Variants in DPP8 observed in about 807,000 individuals in gnomAD.
DPP8 encodes the protein dipeptidyl peptidase 8, also known as DPP VIII.
DPP8 carries 31 observed loss-of-function variants against 107.5 expected under a neutral mutation model. The ratio of observed to expected loss-of-function variants is 0.29; its 90% CI spans 0.22 to 0.39. The LOEUF (loss-of-function observed/expected upper bound fraction) is 0.39, where lower values mean the gene tolerates loss of function less well. Among genes scored for constraint, DPP8 ranks in the 10% least tolerant of loss-of-function variants. The pLI is 1.00. For synonymous variants in DPP8, 381 were observed against 356.6 expected (o/e 1.07, Z -0.77); for missense variants, 842 against 1,076.1 (o/e 0.78, Z 3.04).
In DPP8 at chr15:65,446,784, G is replaced by T. The variant is rs1595821274; in HGVS notation, c.*100C>A. On this transcript the variant is annotated 3_prime_UTR_variant, in exon 20 of 20. Coordinates refer to ENST00000300141, the MANE Select transcript of DPP8 (RefSeq NM_130434.5). ...TTCAGGAGTAGATGTTACATGGCAG[G>T]TATCAAAATGTGATGATCAATTCTG... 3 of 1,219,040 alleles carry T rather than the reference G, an allele frequency of 2.5e-6. No homozygotes were observed. The highest frequency in any genetic ancestry group is 1.6e-5 in the African/African-American group (1 of 64,360). 75.5% of individuals were successfully genotyped at this position (1,219,040 alleles called of 1,614,324 possible).
At chr15:65,447,952 G>T (rs966878488) in intron 19 of DPP8, among the ~76,000 whole-genome samples, 2 of 152,138 alleles carry the variant, frequency 1.3e-5, no homozygotes, top group African/African-American at 4.8e-5. Context: ...GTCAATATTT[G>T]AAAGACTGGC....
intron 1 of DPP8, 175 bp from the exon 2 acceptor site, chr15:65,512,739 C>G: frequency 1.6e-6 from 1 of 633,794 alleles, no homozygotes; most frequent in South Asian, 2.1e-5. Context: ...TCTCTGTGTT[C>G]AGTTTAAAAA....
At chr15:65,458,558 G>A (rs1451837385) in intron 15 of DPP8, 1 of 152,104 alleles carries the variant, frequency 6.6e-6, no homozygotes, top group East Asian at 1.9e-4. Flanking sequence ...ACCTTACCCA[G>A]CCTTGTTAAA....
chr15:65,449,956 T>TTTA (rs569238221), intron 19 of DPP8, among the ~76,000 whole-genome samples: 115 of 116,302 alleles, frequency 9.9e-4, no homozygotes, highest in South Asian at 3.1e-3. Flanking sequence ...CATGTAATAG[T>TTTA]TTATTATTAT....
chr15:65,463,125 A>G (rs2065055354), intron 15 of DPP8, among the ~76,000 whole-genome samples: 1 of 152,220 alleles, frequency 6.6e-6, no homozygotes, highest in Admixed American at 6.5e-5. Context: ...ATTTACCAAG[A>G]CATTTAATTA....
chr15:65,504,667 C>CA (rs371246881), intron 3 of DPP8, among the ~76,000 whole-genome samples: 94,555 of 108,780 alleles, frequency 0.87, 41,574 homozygotes, highest in East Asian at 0.94. Flanking sequence ...GATTCCGTCT[C>CA]AAAAAAAAAA....
At chr15:65,498,417 G>C (rs563999894) in intron 4 of DPP8, among the ~76,000 whole-genome samples, 25 of 149,894 alleles carry the variant, frequency 1.7e-4, no homozygotes, top group South Asian at 6.4e-4. Context: ...GTGAGACTCA[G>C]TATCAGGAAA....
chr15:65,443,839 T>G lies in DPP8; in HGVS notation c.*3045A>C, dbSNP rs1369584733. ...TTTCTTAAAGTAGTCCACAGATGAC[T>G]TACTATAGGATCGCCTGGAAAGCTT... On this transcript the variant is annotated 3_prime_UTR_variant, in exon 20 of 20. Transcript: ENST00000300141. 6.6e-6 allele frequency: 1 copy of G among 152,218 alleles called. No homozygotes were observed. The highest frequency in any genetic ancestry group is 2.4e-5 in the African/African-American group (1 of 41,450). The allele number at this position is 152,218 out of a possible 1,614,324, so 9.4% of individuals were successfully genotyped here.
chr15:65,450,877 T>C (rs2063923941), intron 19 of DPP8, 122 bp downstream of exon 19: 1 of 631,798 alleles, frequency 1.6e-6, no homozygotes, highest in African/African-American at 1.8e-5. Flanking sequence ...CCTCTTACTT[T>C]AGTTCTCTTA....
chr15:65,501,629 G>T (rs2069246539), intron 3 of DPP8, among the ~76,000 whole-genome samples: 1 of 152,128 alleles, frequency 6.6e-6, no homozygotes, highest in African/African-American at 2.4e-5. Context: ...TCTCAAATTT[G>T]TCAGCTGTTA....
At chr15:65,496,007 G>A (rs560235911) in intron 5 of DPP8, among the ~76,000 whole-genome samples, 8 of 149,866 alleles carry the variant, frequency 5.3e-5, no homozygotes, top group Non-Finnish European at 1.0e-4. Flanking sequence ...TTTTTTAGAC[G>A]GAGTGTCCCT....
At chr15:65,489,983 T>C (rs1596032084) in intron 6 of DPP8, among the ~76,000 whole-genome samples, 1 of 152,326 alleles carries the variant, frequency 6.6e-6, no homozygotes, top group African/African-American at 2.4e-5. Context: ...CCTCCCAAAG[T>C]GCTGGGATTA....
At chr15:65,498,088 A>G (rs2068788870) in intron 4 of DPP8, 56 bp from the exon 5 acceptor site, 1 of 1,283,754 alleles carries the variant, frequency 7.8e-7, no homozygotes, top group Admixed American at 2.2e-5. Flanking sequence ...TACATGTTCC[A>G]GCACCCTTCC....
chr15:65,512,166 G>T, intron 2 of DPP8, 129 bp downstream of exon 2: 1 of 915,886 alleles, frequency 1.1e-6, no homozygotes, highest in Non-Finnish European at 1.7e-6. Flanking sequence ...CAAATTATAG[G>T]CTTTTCTTTA....
chr15:65,490,052 A>T, intron 6 of DPP8, 137 bp downstream of exon 6: 1 of 626,060 alleles, frequency 1.6e-6, no homozygotes, highest in Non-Finnish European at 2.8e-6. Context: ...ATGGGCATGA[A>T]TCAATCATCA....
At chr15:65,510,728 G>A (rs1322889150) in intron 2 of DPP8, among the ~76,000 whole-genome samples, 1 of 152,032 alleles carries the variant, frequency 6.6e-6, no homozygotes, top group Non-Finnish European at 1.5e-5. Flanking sequence ...TAGTAGAGAC[G>A]CGGTTTCACC....
At chr15:65,457,157 C>T (rs1281386604) in intron 15 of DPP8, among the ~76,000 whole-genome samples, 1 of 152,152 alleles carries the variant, frequency 6.6e-6, no homozygotes, top group African/African-American at 2.4e-5. Flanking sequence ...GAGTTCGAGA[C>T]CAGCCTGGCC....
chr15:65,470,919 CAA>C (rs773144225), intron 12 of DPP8, among the ~76,000 whole-genome samples: 30 of 110,682 alleles, frequency 2.7e-4, no homozygotes, highest in Non-Finnish European at 2.6e-4. Flanking sequence ...ACTCTTATCT[CAA>C]AAAAAAAAAA....
chr15:65,450,469 A>AT (rs529806621), intron 19 of DPP8, among the ~76,000 whole-genome samples: 18 of 152,148 alleles, frequency 1.2e-4, no homozygotes, highest in Non-Finnish European at 2.5e-4. Flanking sequence ...GGAAAAAGTA[A>AT]TTTTTTCATT....
Sources: allele counts gnomAD v4.1 joint callset (sites outside exome capture counted in the v4.1 genomes callset), GRCh38; gene constraint gnomAD v4.1.1; transcripts MANE v1.5; gene names NCBI Gene and HGNC (gene_info 2026-07-23, HGNC 2026-07-21).